C2orf42: variants seen among roughly 807,000 people sequenced by gnomAD.
C2orf42 encodes uncharacterized protein C2orf42.
In C2orf42, 44 loss-of-function variants were observed where a neutral mutation model predicts 58.9. The observed-to-expected ratio is 0.75, with a 90% confidence interval of 0.59 to 0.96. The LOEUF is 0.96. Among genes scored for constraint, C2orf42 ranks in the 40% least tolerant of loss-of-function variants. C2orf42 has a pLI of 0.00. For missense variants in C2orf42, 630 were observed against 699.2 expected, an observed-to-expected ratio of 0.90 and a Z score of 1.12; for synonymous variants, 239 against 265.4, an observed-to-expected ratio of 0.90 and a Z score of 0.97.
At chr2:70,178,044 AAAAC>A (rs918925609) in intron 4 of C2orf42, among the ~76,000 whole-genome samples, 7 of 152,140 alleles carry the variant, frequency 4.6e-5, no homozygotes, top group African/African-American at 7.2e-5. Flanking sequence ...CATCTCTTAA[AAAAC>A]AAACAAACAA....
At chr2:70,184,679 C>T (rs1674809528) in intron 1 of C2orf42, among the ~76,000 whole-genome samples, 1 of 151,842 alleles carries the variant, frequency 6.6e-6, no homozygotes, top group Admixed American at 6.6e-5. Flanking sequence ...GGGGGTCTCA[C>T]TATGTTGCCC....
chr2:70,163,939 A>G (rs1673225583), intron 8 of C2orf42, among the ~76,000 whole-genome samples: 1 of 151,252 alleles, frequency 6.6e-6, no homozygotes, highest in African/African-American at 2.4e-5. Context: ...GGAGGCCAAG[A>G]TGGGAGGACT....
At chr2:70,152,766 C>T (rs928253048) in intron 9 of C2orf42, among the ~76,000 whole-genome samples, 19 of 152,166 alleles carry the variant, frequency 1.2e-4, no homozygotes, top group African/African-American at 3.6e-4. Context: ...CAGGTGCAGT[C>T]GCTCACGTCT....
intron 1 of C2orf42, among the ~76,000 whole-genome samples, chr2:70,184,754 T>A (rs1261606660): frequency 5.9e-5 from 9 of 152,030 alleles, no homozygotes; most frequent in Non-Finnish European, 1.2e-4. Flanking sequence ...GTTCTGGGAT[T>A]ACAGGTGTGA....
chr2:70,162,251 TCTG>T (rs1337031582), intron 8 of C2orf42, among the ~76,000 whole-genome samples: 1 of 151,914 alleles, frequency 6.6e-6, no homozygotes, highest in Admixed American at 6.6e-5. Flanking sequence ...CCTCAGGTGA[TCTG>T]CCCACCTTGG....
intron 5 of C2orf42, among the ~76,000 whole-genome samples, chr2:70,174,374 G>A (rs571370455): frequency 2.0e-5 from 3 of 152,064 alleles, no homozygotes; most frequent in South Asian, 4.2e-4. Flanking sequence ...ACATTCACAC[G>A]CAGTTGTAAG....
rs1674665163 is a variant in C2orf42 at position 70,182,781 on chromosome 2, G to A, written c.-127C>T. The A allele has an allele frequency of 6.6e-6, 1 of 152,160 alleles. No homozygotes were observed. The highest frequency in any genetic ancestry group is 6.6e-5 in the Admixed American group (1 of 15,252). 9.4% of individuals were successfully genotyped at this position (152,160 alleles called of 1,614,324 possible). Reference sequence around the variant, plus strand: ...AAAACACGATCATTTGCAGACTAATGATAACTGCTTAACCCAAAATCTTCT... The same window carrying A: ...AAAACACGATCATTTGCAGACTAATAATAACTGCTTAACCCAAAATCTTCT... On this transcript the variant is annotated 5_prime_UTR_variant, in exon 2 of 10. Transcript: ENST00000264434.
intron 5 of C2orf42, among the ~76,000 whole-genome samples, chr2:70,173,046 C>T (rs1673934015): frequency 6.6e-6 from 1 of 151,922 alleles, no homozygotes; most frequent in Admixed American, 6.6e-5. Context: ...GCTTGTGATC[C>T]CAGCTACTTG....
intron 9 of C2orf42, among the ~76,000 whole-genome samples, chr2:70,155,347 G>A (rs1417010248): frequency 1.3e-5 from 2 of 152,178 alleles, no homozygotes; most frequent in Non-Finnish European, 2.9e-5. Flanking sequence ...CTTTTATAGA[G>A]ATGGGGTCTC....
chr2:70,185,115 T>C (rs1009612668), intron 1 of C2orf42, among the ~76,000 whole-genome samples: 1 of 150,034 alleles, frequency 6.7e-6, no homozygotes, highest in African/African-American at 2.5e-5. Flanking sequence ...AAAAAAATGT[T>C]TTAGGCTGGG....
At chr2:70,150,944 A>G (rs570371833) in intron 9 of C2orf42, among the ~76,000 whole-genome samples, 1 of 152,244 alleles carries the variant, frequency 6.6e-6, no homozygotes, top group Non-Finnish European at 1.5e-5. Context: ...ATGGGGTTTC[A>G]TCGTGTTAGC....
At chr2:70,185,969 G>A (rs539164891) in intron 1 of C2orf42, among the ~76,000 whole-genome samples, 2 of 147,678 alleles carry the variant, frequency 1.4e-5, no homozygotes, top group Admixed American at 6.9e-5. Flanking sequence ...ACTAGATCCC[G>A]GTAGCAGGCC....
chr2:70,163,337 C>T (rs1039121230), intron 8 of C2orf42, among the ~76,000 whole-genome samples: 14 of 151,732 alleles, frequency 9.2e-5, no homozygotes, highest in African/African-American at 2.7e-4. Context: ...CTCCGCCTCC[C>T]GGGTTCACAC....
intron 5 of C2orf42, among the ~76,000 whole-genome samples, chr2:70,172,223 CAAA>C (rs1171174664): frequency 1.7e-5 from 1 of 58,200 alleles, no homozygotes. Context: ...GACTCTGTCT[CAAA>C]AAAAAAAAAA....
chr2:70,181,114 C>A, intron 3 of C2orf42, 49 bp downstream of exon 3: 1 of 1,070,970 alleles, frequency 9.3e-7, no homozygotes, highest in Non-Finnish European at 1.4e-6. Context: ...GAACTCTTTT[C>A]ATTGCAGTTT....
intron 1 of C2orf42, among the ~76,000 whole-genome samples, chr2:70,185,762 C>CAT (rs1396060935): frequency 1.7e-4 from 26 of 150,054 alleles, no homozygotes; most frequent in African/African-American, 6.2e-4. Context: ...CACACACATA[C>CAT]ATATATACAC....
rs1245106027 is a variant in C2orf42 at position 70,183,716 on chromosome 2, G to A, written c.-281-781C>T. On this transcript the variant is annotated intron_variant, in intron 1 of 9. Coordinates refer to ENST00000264434, the MANE Select transcript of C2orf42 (RefSeq NM_017880.3). ...CAGGCGTGAGCCAATGCGCCCGGCC[G>A]ACCCCATCTCTTTAAAAAAAAAAAA... 6.0e-5 allele frequency among the ~76,000 whole-genome samples: 8 copies of A among 133,274 alleles called. No individual in the cohort carries two copies. The South Asian group carries it at 9.3e-4, about 16-fold the overall frequency. 87.4% of individuals were successfully genotyped at this position (133,274 alleles called of 152,430 possible). A position where few individuals can be genotyped will look rare whatever the true frequency, so the allele number is the denominator to read the frequency against.
rs1288574271 is a variant in C2orf42 at position 70,150,520 on chromosome 2, CGAT to C, written c.1558_1560del (p.Ile520del). 1.9e-6 allele frequency: 3 copies of C among 1,613,722 alleles called. No homozygotes were observed. Among genetic ancestry groups the C allele is most frequent in the Non-Finnish European group, 2.5e-6 (3 of 1,179,920 alleles). ...TGGGGAAGGATATCTGGGATCCACT[CGAT>C]GATGAAAGGTGTTGGCTCCTTTTGA... is the stretch of plus-strand genomic sequence containing the variant. On this transcript the variant is annotated inframe_deletion, in exon 10 of 10. Transcript: ENST00000264434.
rs966566068 is a variant in C2orf42 at position 70,153,676 on chromosome 2, A to T, written c.1517-3112T>A. Among the ~76,000 whole-genome samples, 30 of 52,042 alleles carry T rather than the reference A, an allele frequency of 5.8e-4. 1 individual carries two copies. The highest frequency in any genetic ancestry group is 7.4e-4 in the Non-Finnish European group (22 of 29,690). The allele number at this position is 52,042 out of a possible 152,430, so 34.1% of individuals were successfully genotyped here. On this transcript the variant is annotated intron_variant, in intron 9 of 9. Transcript: ENST00000264434. The stretch of plus-strand genomic sequence containing the variant: ...TAAGTAAAGAAAAGAACAGGAAATT[A>T]AAAAAAAAAAAAACTACATAAGGAA...
Sources: allele counts gnomAD v4.1 joint callset (sites outside exome capture counted in the v4.1 genomes callset), GRCh38; gene constraint gnomAD v4.1.1; transcripts MANE v1.5; gene names NCBI Gene and HGNC (gene_info 2026-07-23, HGNC 2026-07-21).